TMEM273: variants seen among roughly 807,000 people sequenced by gnomAD.
TMEM273 encodes the protein chromosome 10 open reading frame 128.
A neutral mutation model predicts 17.9 loss-of-function variants in TMEM273; 19 were observed. That is an observed-to-expected ratio of 1.06 (90% CI 0.74 to 1.55). The LOEUF (loss-of-function observed/expected upper bound fraction) is 1.55. TMEM273 is among the 40% of genes most tolerant of loss of function. The pLI is 0.00. For missense variants in TMEM273, 194 were observed against 155.6 expected (o/e 1.25, Z -1.31); for synonymous variants, 66 against 62.0 (o/e 1.07, Z -0.31).
At position 49,165,504 on chromosome 10, in the gene TMEM273, T is replaced by C. The variant is rs907010723; in HGVS notation, c.270-221A>G. ...TGCACTGAAGGGGTCTGAGTGGGGG[T>C]GGAACAGGATCTAATCCAGGCTATG... is the stretch of plus-strand genomic sequence containing the variant. On this transcript the variant is annotated intron_variant, in intron 4 of 6. Coordinates refer to ENST00000374153, the MANE Select transcript of TMEM273 (RefSeq NM_001288740.3). 13 of 1,417,348 alleles carry C rather than the reference T, an allele frequency of 9.2e-6. No homozygotes were observed. In the Admixed American group the frequency reaches 2.2e-4, roughly 24 times the overall value. The allele number at this position is 1,417,348 out of a possible 1,614,324, so 87.8% of individuals were successfully genotyped here.
intron 1 of TMEM273, among the ~76,000 whole-genome samples, chr10:49,186,429 G>C (rs1459262351): frequency 6.6e-6 from 1 of 152,114 alleles, no homozygotes; most frequent in Non-Finnish European, 1.5e-5. Flanking sequence ...GGAATTTCTG[G>C]GTGAAGGGTT....
chr10:49,156,026 C>T (rs1845484741), intron 6 of TMEM273, 117 bp from the exon 7 acceptor site: 1 of 1,588,176 alleles, frequency 6.3e-7, no homozygotes, highest in African/African-American at 1.3e-5. Flanking sequence ...TCAGCAAAGC[C>T]TGCAAGGTGG....
At position 49,154,805 on chromosome 10, in the gene TMEM273, G is replaced by A. The variant is rs1415868948; in HGVS notation, c.*1087C>T. On this transcript the variant is annotated 3_prime_UTR_variant, in exon 7 of 7. Coordinates refer to ENST00000374153, the MANE Select transcript of TMEM273 (RefSeq NM_001288740.3). ...TTATGAGTATCACATTACCGCTCTTGGTTATCAGTTAACAAAGGCTGCTAA... is the reference window on the plus strand; with the variant it reads ...TTATGAGTATCACATTACCGCTCTTAGTTATCAGTTAACAAAGGCTGCTAA... The A allele has an allele frequency of 6.6e-6, 1 of 152,182 alleles. No homozygotes were observed. The highest frequency in any genetic ancestry group is 1.5e-5 in the Non-Finnish European group (1 of 68,046). 9.4% of individuals were successfully genotyped at this position (152,182 alleles called of 1,614,324 possible).
chr10:49,177,854 G>T (rs1265161237), intron 1 of TMEM273, among the ~76,000 whole-genome samples: 2 of 152,116 alleles, frequency 1.3e-5, no homozygotes, highest in Non-Finnish European at 2.9e-5. Context: ...AGCATGGGCT[G>T]GCCAGGAGCT....
At chr10:49,167,742 G>A (rs561947410) in intron 2 of TMEM273, among the ~76,000 whole-genome samples, 167 bp downstream of exon 2, 3 of 152,180 alleles carry the variant, frequency 2.0e-5, no homozygotes, top group South Asian at 2.1e-4. Flanking sequence ...CCTTTCCCCC[G>A]AAATAAAGCT....
chr10:49,155,651 A>C lies in TMEM273; in HGVS notation c.*241T>G, dbSNP rs1166316516. ...TTTGGTGTCCACCTTCTTCCACTGC[A>C]GGCTAAATTGCTCAATCCTTCCTCT... On this transcript the variant is annotated 3_prime_UTR_variant, in exon 7 of 7. Transcript: ENST00000374153. 1.7e-6 allele frequency: 1 copy of C among 593,112 alleles called. No individual in the cohort carries two copies. Among genetic ancestry groups the C allele is most frequent in the Admixed American group, 3.1e-5 (1 of 32,462 alleles). The allele number at this position is 593,112 out of a possible 1,614,324, so 36.7% of individuals were successfully genotyped here.
intron 1 of TMEM273, among the ~76,000 whole-genome samples, chr10:49,177,879 T>C (rs1009785612): frequency 5.9e-5 from 9 of 152,192 alleles, no homozygotes; most frequent in African/African-American, 2.2e-4. Flanking sequence ...TGGACACCAG[T>C]TTACTCAGCC....
chr10:49,178,634 G>A (rs764163130), intron 1 of TMEM273, among the ~76,000 whole-genome samples: 1 of 152,158 alleles, frequency 6.6e-6, no homozygotes, highest in African/African-American at 2.4e-5. Flanking sequence ...ATAGGAAGCT[G>A]CTGAAGGATT....
chr10:49,156,840 C>T (rs537905477), intron 6 of TMEM273, among the ~76,000 whole-genome samples: 2 of 151,982 alleles, frequency 1.3e-5, no homozygotes, highest in Admixed American at 6.5e-5. Context: ...GGCAGTAGAA[C>T]CAACGTTAAA....
chr10:49,173,652 A>G (rs1846737812), intron 1 of TMEM273, among the ~76,000 whole-genome samples: 1 of 152,078 alleles, frequency 6.6e-6, no homozygotes. Flanking sequence ...GCCACAAACA[A>G]CCCAGAGGAA....
intron 3 of TMEM273, among the ~76,000 whole-genome samples, chr10:49,166,117 G>A (rs1167450992): frequency 3.9e-5 from 6 of 152,122 alleles, no homozygotes; most frequent in Admixed American, 6.5e-5. Flanking sequence ...TCATAATCAC[G>A]TCTTCCAGGA....
rs1590241601 is a variant in TMEM273 at position 49,179,183 on chromosome 10, A to G, written c.43+9111T>C. Among the ~76,000 whole-genome samples the G allele has an allele frequency of 2.6e-5, 4 of 152,352 alleles. No homozygotes were observed. In the South Asian group the frequency reaches 8.3e-4, roughly 32 times the overall value. On this transcript the variant is annotated intron_variant, in intron 1 of 6. Coordinates refer to ENST00000374153, the MANE Select transcript of TMEM273 (RefSeq NM_001288740.3). ...AGGGAGCAGTTCAAGCAATTGTGGTAGATAAATGAGGGTCTAGATGTGACA... is the reference window on the plus strand; with the variant it reads ...AGGGAGCAGTTCAAGCAATTGTGGTGGATAAATGAGGGTCTAGATGTGACA...
Position 49,166,958 on chromosome 10 carries a change from C to T in TMEM273, c.149G>A (p.Gly50Asp). Residue 50 changes from glycine to aspartate, a missense_variant, in exon 3 of 7, where the codon GGC becomes GAC. By Grantham distance (94) the Gly-to-Asp change is moderately conservative (BLOSUM62 -1). Transcript: ENST00000374153. ...GTAVGVAISA[G>D]FLALKICMIR... ...CATGCAGATCTTCAGGGCCAGGAAG[C>T]CAGCAGATATGGCGACACCCACAGC... The T allele has an allele frequency of 6.2e-7, 1 of 1,614,136 alleles. No individual in the cohort carries two copies. The highest frequency in any genetic ancestry group is 8.5e-7 in the Non-Finnish European group (1 of 1,180,020).
At chr10:49,162,810 G>A (rs906167930) in intron 5 of TMEM273, among the ~76,000 whole-genome samples, 1 of 152,170 alleles carries the variant, frequency 6.6e-6, no homozygotes, top group Non-Finnish European at 1.5e-5. Context: ...AGATGCTACC[G>A]CTACCTGGAC....
At chr10:49,180,701 G>A (rs1476505935) in intron 1 of TMEM273, among the ~76,000 whole-genome samples, 2 of 152,094 alleles carry the variant, frequency 1.3e-5, no homozygotes, top group Non-Finnish European at 2.9e-5. Context: ...TACAGAGTTA[G>A]AGTCATCTGA....
chr10:49,177,298 C>T (rs1847044676), intron 1 of TMEM273, among the ~76,000 whole-genome samples: 3 of 152,210 alleles, frequency 2.0e-5, no homozygotes, highest in South Asian at 4.1e-4. Flanking sequence ...AAAGCATTTC[C>T]TCCCTCCCTC....
At chr10:49,185,171 G>GA (rs1270250352) in intron 1 of TMEM273, among the ~76,000 whole-genome samples, 4 of 152,054 alleles carry the variant, frequency 2.6e-5, no homozygotes, top group Non-Finnish European at 1.5e-5. Flanking sequence ...TATATATCTA[G>GA]AAAAAAATTT....
Position 49,155,514 on chromosome 10 carries a change from T to TCG in TMEM273, c.*377_*378insCG. ...GATAAGATGGCAGTGTGTAGGAAGC[T>TCG]GTGTGTTGGGTCGGATTCCCCTTTT... On this transcript the variant is annotated 3_prime_UTR_variant, in exon 7 of 7. Transcript: ENST00000374153. The TCG allele has an allele frequency of 3.4e-6, 1 of 294,738 alleles. No homozygotes were observed. The highest frequency in any genetic ancestry group is 6.4e-6 in the Non-Finnish European group (1 of 156,738). 18.3% of individuals were successfully genotyped at this position (294,738 alleles called of 1,614,324 possible).
In TMEM273 at chr10:49,165,201, G is replaced by A. The variant is rs1846092462; in HGVS notation, c.348+4C>T. On this transcript the variant is annotated splice_donor_region_variant and intron_variant, in intron 5 of 6. Coordinates refer to ENST00000374153, the MANE Select transcript of TMEM273 (RefSeq NM_001288740.3). ...TGGTGGCTGGAGTCGAGAGGGGATT[G>A]TACCTTAAATAGGCCCTCCATGATG... The A allele has an allele frequency of 6.5e-7, 1 of 1,548,446 alleles. No homozygotes were observed. Among genetic ancestry groups the A allele is most frequent in the Admixed American group, 2.0e-5 (1 of 50,558 alleles).
Sources: gnomAD v4.1 joint callset for allele counts (sites outside exome capture counted in the v4.1 genomes callset) on GRCh38, gnomAD v4.1.1 for gene constraint, MANE v1.5 for transcripts, NCBI Gene and HGNC (gene_info 2026-07-23, HGNC 2026-07-21) for gene names.